Variants in UBE2E2 observed in about 807,000 individuals in gnomAD.
UBE2E2 encodes ubiquitin-conjugating enzyme E2 E2.
In UBE2E2, 6 loss-of-function variants were observed where a neutral mutation model predicts 24.7. That is an observed-to-expected ratio of 0.24 (90% CI 0.13 to 0.48). UBE2E2 has a LOEUF of 0.48. Among genes scored for constraint, UBE2E2 ranks in the 20% least tolerant of loss-of-function variants. The probability of loss-of-function intolerance (pLI) is 0.99; values close to 1 mark genes in which losing one functional copy is unlikely to be tolerated. For synonymous variants in UBE2E2, 104 were observed against 83.6 expected, an observed-to-expected ratio of 1.24 and a Z score of -1.33; for missense variants, 169 against 245.0, an observed-to-expected ratio of 0.69 and a Z score of 2.07.
chr3:23,219,854 A>G (rs770978533), intron 3 of UBE2E2, among the ~76,000 whole-genome samples: 7 of 152,156 alleles, frequency 4.6e-5, no homozygotes, highest in Non-Finnish European at 7.3e-5. Context: ...GATTTTTTCT[A>G]CTGGTTGTCT....
At chr3:23,460,333 G>C (rs574611962) in intron 3 of UBE2E2, among the ~76,000 whole-genome samples, 1 of 152,268 alleles carries the variant, frequency 6.6e-6, no homozygotes, top group South Asian at 2.1e-4. Context: ...TGCGCTTTTT[G>C]CCTACCATAC....
Position 23,589,667 on chromosome 3 carries a change from G to A in UBE2E2, c.509-67G>A, listed in dbSNP as rs955417224. ...TCTCCTACCCTCCCACTCCTTGCCA[G>A]CTTTCTGAACACTTCTTCCCCCACA... is the stretch of plus-strand genomic sequence containing the variant. On this transcript the variant is annotated intron_variant, in intron 5 of 5. Coordinates refer to ENST00000396703, the MANE Select transcript of UBE2E2 (RefSeq NM_152653.4). This position sits in a 1 kb window ranked among gnomAD's most constrained non-coding sequence, Gnocchi z 4.1. 14 of 1,553,226 alleles carry A rather than the reference G, an allele frequency of 9.0e-6. No homozygotes were observed. The highest frequency in any genetic ancestry group is 1.2e-5 in the Non-Finnish European group (14 of 1,129,018).
intron 3 of UBE2E2, among the ~76,000 whole-genome samples, chr3:23,408,453 G>A (rs1697419940): frequency 6.6e-6 from 1 of 152,172 alleles, no homozygotes; most frequent in Non-Finnish European, 1.5e-5. Context: ...CTTTGGTCCT[G>A]CAGCAGTTTT....
intron 3 of UBE2E2, among the ~76,000 whole-genome samples, chr3:23,257,512 G>GGT (rs1697762836): frequency 3.2e-5 from 1 of 31,148 alleles, no homozygotes; most frequent in Non-Finnish European, 5.9e-5. Context: ...TGTTTCCCGT[G>GGT]CCCCCCCCCC....
chr3:23,481,635 G>A (rs1699262254), intron 3 of UBE2E2, among the ~76,000 whole-genome samples: 1 of 152,156 alleles, frequency 6.6e-6, no homozygotes, highest in East Asian at 1.9e-4. Flanking sequence ...AGCCTCAGCT[G>A]TGCTTTATTA....
chr3:23,230,578 A>G (rs1407809195), intron 3 of UBE2E2, among the ~76,000 whole-genome samples: 2 of 152,136 alleles, frequency 1.3e-5, no homozygotes, highest in Non-Finnish European at 2.9e-5. Flanking sequence ...TGAGGTCAGC[A>G]GTTTGAGACC....
chr3:23,407,567 G>GT lies in UBE2E2; in HGVS notation c.228-92041_228-92040insT, dbSNP rs1553609063. On this transcript the variant is annotated intron_variant, in intron 3 of 5. Coordinates refer to ENST00000396703, the MANE Select transcript of UBE2E2 (RefSeq NM_152653.4). This position sits in a 1 kb window ranked among gnomAD's most constrained non-coding sequence, Gnocchi z 4.0. ...TTGCTACATCCTTTATCTCCTCTGC[G>GT]CCCCTCCCTCTACTTTTTATGGTTT... Among the ~76,000 whole-genome samples, 8 of 151,252 alleles carry GT rather than the reference G, an allele frequency of 5.3e-5. No homozygotes were observed. The highest frequency in any genetic ancestry group is 3.4e-3 in the Middle Eastern group (1 of 292).
At chr3:23,460,533 T>C (rs954432601) in intron 3 of UBE2E2, among the ~76,000 whole-genome samples, 2 of 152,220 alleles carry the variant, frequency 1.3e-5, no homozygotes, top group African/African-American at 4.8e-5. Context: ...GCAGGTAGAC[T>C]CTATATTGAT....
intron 3 of UBE2E2, chr3:23,389,852 G>T (rs189803617): frequency 3.1e-5 from 5 of 161,950 alleles, no homozygotes; most frequent in Admixed American, 1.3e-4. Context: ...TGACCACCCA[G>T]TGCCTCAGTT....
At chr3:23,442,894 T>C (rs1698338295) in intron 3 of UBE2E2, among the ~76,000 whole-genome samples, 1 of 152,250 alleles carries the variant, frequency 6.6e-6, no homozygotes, top group African/African-American at 2.4e-5. Flanking sequence ...GCAGTATGTA[T>C]TATTTAATTT....
Position 23,245,157 on chromosome 3 carries a change from A to T in UBE2E2, c.227+27845A>T, listed in dbSNP as rs759591978. Among the ~76,000 whole-genome samples, 50 of 152,264 alleles carry T rather than the reference A, an allele frequency of 3.3e-4. 1 individual carries two copies. Among genetic ancestry groups the T allele is most frequent in the Admixed American group, 2.0e-3 (30 of 15,296 alleles). ...AAGATGAGATAGTGGAAAGATGTTG[A>T]GATTGTAACCATTTACATAAAAATG... is the stretch of plus-strand genomic sequence containing the variant. On this transcript the variant is annotated intron_variant, in intron 3 of 5. Transcript: ENST00000396703.
intron 3 of UBE2E2, among the ~76,000 whole-genome samples, chr3:23,327,525 CT>C (rs1296497877): frequency 6.6e-6 from 1 of 152,172 alleles, no homozygotes; most frequent in African/African-American, 2.4e-5. Context: ...CTTAAGCAGC[CT>C]TTTAACTAGG....
intron 3 of UBE2E2, among the ~76,000 whole-genome samples, chr3:23,289,625 T>G (rs980143397): frequency 6.6e-6 from 1 of 152,254 alleles, no homozygotes; most frequent in African/African-American, 2.4e-5. Flanking sequence ...CATTTCTAGA[T>G]CCTTACTACA....
chr3:23,560,674 G>T (rs374965034), intron 5 of UBE2E2, among the ~76,000 whole-genome samples: 2 of 152,002 alleles, frequency 1.3e-5, no homozygotes, highest in East Asian at 1.9e-4. Context: ...CTAGTTTACA[G>T]TCCCACCAAC....
rs1248372832 is a variant in UBE2E2 at position 23,217,322 on chromosome 3, C to T, written c.227+10C>T. ...CTCCTCCCAACTGTAGGTAAGTACT[C>T]ATGGTTTTTTATTTACTTGTATCTT... On this transcript the variant is annotated intron_variant, in intron 3 of 5. Transcript: ENST00000396703. 2 of 1,611,594 alleles carry T rather than the reference C, an allele frequency of 1.2e-6. No homozygotes were observed. The highest frequency in any genetic ancestry group is 2.2e-5 in the East Asian group (1 of 44,792).
intron 4 of UBE2E2, among the ~76,000 whole-genome samples, chr3:23,526,976 C>A (rs114192130): frequency 6.6e-6 from 1 of 152,192 alleles, no homozygotes; most frequent in African/African-American, 2.4e-5. Flanking sequence ...ATAAAGTCAA[C>A]AAAATTTATT....
chr3:23,500,208 A>G (rs528244302), intron 4 of UBE2E2, among the ~76,000 whole-genome samples: 1 of 152,336 alleles, frequency 6.6e-6, no homozygotes, highest in South Asian at 2.1e-4. Context: ...TCTAGAGTTC[A>G]GCTGCTCACA....
intron 3 of UBE2E2, among the ~76,000 whole-genome samples, chr3:23,330,011 G>A: frequency 6.6e-6 from 1 of 152,148 alleles, no homozygotes; most frequent in East Asian, 1.9e-4. Flanking sequence ...TAAAAAAACA[G>A]GAATCTTGTT....
rs1226126237 is a variant in UBE2E2 at position 23,442,147 on chromosome 3, A to G, written c.228-57461A>G. 2.0e-5 allele frequency among the ~76,000 whole-genome samples: 3 copies of G among 152,230 alleles called. No individual in the cohort carries two copies. In the East Asian group the frequency reaches 5.8e-4, roughly 29 times the overall value. On this transcript the variant is annotated intron_variant, in intron 3 of 5. Coordinates refer to ENST00000396703, the MANE Select transcript of UBE2E2 (RefSeq NM_152653.4). ...TATTTTAATAAAGACCTCATTAAAC[A>G]TTAGTAACAATAGGATAAGGAATAT...
Sources: allele counts gnomAD v4.1 joint callset (sites outside exome capture counted in the v4.1 genomes callset), GRCh38; gene constraint gnomAD v4.1.1; non-coding constraint Gnocchi (gnomAD v3.1); transcripts MANE v1.5; gene names NCBI Gene and HGNC (gene_info 2026-07-23, HGNC 2026-07-21).